Variants in ELOVL4 observed in about 807,000 individuals in gnomAD.
ELOVL4 encodes the protein ELOVL fatty acid elongase 4.
In ELOVL4, 18 loss-of-function variants were observed where a neutral mutation model predicts 42.1. That is an observed-to-expected ratio of 0.43 (90% CI 0.30 to 0.63). ELOVL4 has a LOEUF of 0.63. Ranked by LOEUF, ELOVL4 falls within the 30% of genes least tolerant of loss-of-function variation. The pLI is 0.15. For synonymous variants in ELOVL4, 117 were observed against 127.0 expected (o/e 0.92, Z 0.53); for missense variants, 299 against 376.2 (o/e 0.79, Z 1.70).
In ELOVL4 at chr6:79,926,272, T is replaced by G; in HGVS notation, c.210A>C (p.Arg70=). ...GCACTAGACGCATCTGAAAAGGTTCTCGGTCCTTCATCCATTTTGGACCCA... is the reference window on the plus strand; with the variant it reads ...GCACTAGACGCATCTGAAAAGGTTCGCGGTCCTTCATCCATTTTGGACCCA... ...VWLGPKWMKD[R]EPFQMRLVLI... is the part of the protein sequence containing the mutation. The change falls in exon 2 of 6, where the codon CGA becomes CGC. Residue 70 remains arginine, a synonymous_variant. Transcript: ENST00000369816. 1 of 1,614,026 alleles carries G rather than the reference T, an allele frequency of 6.2e-7. No individual in the cohort carries two copies. The highest frequency in any genetic ancestry group is 8.5e-7 in the Non-Finnish European group (1 of 1,179,952).
rs1774151416 is a variant in ELOVL4, at chr6:79,915,915, T to G, written c.*693A>C. The G allele has an allele frequency of 1.3e-5, 2 of 152,642 alleles. No homozygotes were observed. The highest frequency in any genetic ancestry group is 4.8e-5 in the African/African-American group (2 of 41,452). The allele number at this position is 152,642 out of a possible 1,614,324, so 9.5% of individuals were successfully genotyped here. On this transcript the variant is annotated 3_prime_UTR_variant, in exon 6 of 6. Transcript: ENST00000369816. The stretch of plus-strand genomic sequence containing the variant: ...ATGCTGCCTTTTCATCACAAAAAAT[T>G]GTTTCCCCACAGTGATTTGTGCCTC...
chr6:79,944,216 G>T (rs771001588), intron 1 of ELOVL4, among the ~76,000 whole-genome samples: 2 of 152,192 alleles, frequency 1.3e-5, no homozygotes, highest in Non-Finnish European at 2.9e-5. Context: ...AGATTCATCA[G>T]TTTAAAAAAT....
chr6:79,925,201 C>G (rs1465665987), intron 2 of ELOVL4, among the ~76,000 whole-genome samples, 169 bp from the exon 3 acceptor site: 1 of 152,112 alleles, frequency 6.6e-6, no homozygotes, highest in Non-Finnish European at 1.5e-5. Context: ...AGTTACTGTG[C>G]ATTAATTTGT....
At chr6:79,934,773 A>G (rs533539578) in intron 1 of ELOVL4, among the ~76,000 whole-genome samples, 1 of 152,300 alleles carries the variant, frequency 6.6e-6, no homozygotes, top group East Asian at 1.9e-4. Flanking sequence ...GAATAGAACA[A>G]CATGTATACA....
At chr6:79,937,522 C>A (rs1472958831) in intron 1 of ELOVL4, among the ~76,000 whole-genome samples, 1 of 151,998 alleles carries the variant, frequency 6.6e-6, no homozygotes, top group African/African-American at 2.4e-5. Context: ...AGTTTACTCA[C>A]CTGGAAAATG....
chr6:79,940,300 C>T (rs558232088), intron 1 of ELOVL4, among the ~76,000 whole-genome samples: 2 of 152,224 alleles, frequency 1.3e-5, no homozygotes, highest in African/African-American at 4.8e-5. Flanking sequence ...ATAAATAAAA[C>T]ATCATTCTAA....
In ELOVL4 at chr6:79,926,156, A is replaced by G; in HGVS notation, c.288+38T>C. 3 of 1,556,310 alleles carry G rather than the reference A, an allele frequency of 1.9e-6. No individual in the cohort carries two copies. The Admixed American group carries it at 5.0e-5, about 26-fold the overall frequency. On this transcript the variant is annotated intron_variant, in intron 2 of 5. Transcript: ENST00000369816. ...ACATTCTCATTTTTAAATTTCCAAT[A>G]ACCTTGGAAAATTATTAAAGTGATC...
rs1266858907 is a variant in ELOVL4 at position 79,919,459 on chromosome 6, T to C, written c.630A>G (p.Lys210=). 1.2e-6 allele frequency: 2 copies of C among 1,613,744 alleles called. No individual in the cohort carries two copies. Among genetic ancestry groups the C allele is most frequent in the Non-Finnish European group, 1.7e-6 (2 of 1,179,858 alleles). Residue 210 remains lysine (K), a synonymous_variant, in exon 5 of 6, where the codon AAA becomes AAG. Coordinates refer to ENST00000369816, the MANE Select transcript of ELOVL4 (RefSeq NM_022726.4). ...GLTAFGPWIQ[K]YLWWKRYLTM... ...TCAGGTATCGTTTCCACCAAAGATA[T>C]TTCTGAATCCATGGGCCAAATGCAG...
intron 5 of ELOVL4, 152 bp downstream of exon 5, chr6:79,919,268 T>C: frequency 3.7e-6 from 3 of 809,792 alleles, no homozygotes; most frequent in Middle Eastern, 3.6e-4. Context: ...ATAGGTCATC[T>C]AGAGTCAAGT....
chr6:79,928,925 G>A (rs1159102745), intron 1 of ELOVL4, among the ~76,000 whole-genome samples: 1 of 151,730 alleles, frequency 6.6e-6, no homozygotes, highest in East Asian at 1.9e-4. Context: ...TATATATAGT[G>A]TGGTGCACTG....
intron 1 of ELOVL4, among the ~76,000 whole-genome samples, chr6:79,939,231 T>A (rs1774598968): frequency 1.3e-5 from 2 of 152,138 alleles, no homozygotes; most frequent in African/African-American, 4.8e-5. Flanking sequence ...ACTAAAGAGA[T>A]CATTTCTACA....
chr6:79,928,190 G>A, intron 1 of ELOVL4, among the ~76,000 whole-genome samples: 1 of 152,146 alleles, frequency 6.6e-6, no homozygotes, highest in Non-Finnish European at 1.5e-5. Context: ...AGGTCACAGA[G>A]AAGGAGTTGC....
intron 1 of ELOVL4, among the ~76,000 whole-genome samples, chr6:79,942,245 C>G (rs182976240): frequency 6.6e-6 from 1 of 152,152 alleles, no homozygotes; most frequent in Non-Finnish European, 1.5e-5. Flanking sequence ...TAATGTGGAC[C>G]TTGGCTTTAA....
rs1361575448 is a variant in ELOVL4, at chr6:79,916,532, C to T, written c.*76G>A. On this transcript the variant is annotated 3_prime_UTR_variant, in exon 6 of 6. Coordinates refer to ENST00000369816, the MANE Select transcript of ELOVL4 (RefSeq NM_022726.4). ...CTCCCCACCCCCAAGCTCTCCTTTGCTTCTGTTTTCCCTGAAATTTTATAT... is the reference window on the plus strand; with the variant it reads ...CTCCCCACCCCCAAGCTCTCCTTTGTTTCTGTTTTCCCTGAAATTTTATAT... 5.1e-6 allele frequency: 8 copies of T among 1,583,022 alleles called. No homozygotes were observed. The highest frequency in any genetic ancestry group is 1.7e-5 in the Admixed American group (1 of 59,838).
intron 4 of ELOVL4, among the ~76,000 whole-genome samples, chr6:79,920,470 T>C (rs922155549): frequency 6.6e-6 from 1 of 152,192 alleles, no homozygotes; most frequent in Non-Finnish European, 1.5e-5. Flanking sequence ...AGGCTGAGTA[T>C]TCCTTATCCA....
At chr6:79,923,336 A>G (rs1655519268) in intron 3 of ELOVL4, among the ~76,000 whole-genome samples, 1 of 152,212 alleles carries the variant, frequency 6.6e-6, no homozygotes, top group Admixed American at 6.5e-5. Flanking sequence ...ATCCTCCTAG[A>G]TTACAGTTCT....
chr6:79,926,516 C>CA (rs2127699449), intron 1 of ELOVL4, 135 bp from the exon 2 acceptor site: 1 of 834,512 alleles, frequency 1.2e-6, no homozygotes, highest in South Asian at 1.8e-5. Flanking sequence ...TGAGTCCCAA[C>CA]AAAAAATACA....
intron 3 of ELOVL4, among the ~76,000 whole-genome samples, chr6:79,922,670 G>A (rs992891289): frequency 9.9e-5 from 15 of 152,180 alleles, no homozygotes; most frequent in African/African-American, 2.7e-4. Flanking sequence ...AAGCTTTCAT[G>A]TGTTAGGGCC....
intron 3 of ELOVL4, among the ~76,000 whole-genome samples, chr6:79,923,127 T>C (rs1774285615): frequency 6.6e-6 from 1 of 152,150 alleles, no homozygotes; most frequent in Non-Finnish European, 1.5e-5. Context: ...TAACAACAAA[T>C]AAGTCTGCTT....
Sources: gnomAD v4.1 joint callset for allele counts (sites outside exome capture counted in the v4.1 genomes callset) on GRCh38, gnomAD v4.1.1 for gene constraint, MANE v1.5 for transcripts, NCBI Gene and HGNC (gene_info 2026-07-23, HGNC 2026-07-21) for gene names.